MAPKAP1: variants seen among roughly 807,000 people sequenced by gnomAD.
The protein encoded by MAPKAP1 is target of rapamycin complex 2 subunit MAPKAP1.
In MAPKAP1, 20 loss-of-function variants were observed where a neutral mutation model predicts 65.7. That is an observed-to-expected ratio of 0.30 (90% CI 0.21 to 0.44). MAPKAP1 has a LOEUF of 0.44. Among genes scored for constraint, MAPKAP1 ranks in the 20% least tolerant of loss-of-function variants. The pLI, the probability that MAPKAP1 is intolerant of heterozygous loss-of-function variation, is 1.00. For missense variants in MAPKAP1, 423 were observed against 648.0 expected (o/e 0.65, Z 3.77); for synonymous variants, 222 against 244.3 (o/e 0.91, Z 0.85).
In MAPKAP1 at chr9:125,540,742, C is replaced by T. The variant is rs575140770; in HGVS notation, c.958+2317G>A. On this transcript the variant is annotated intron_variant, in intron 7 of 11. Transcript: ENST00000265960. ...ACCTGGCATCTCTTTCCACCAAGTT[C>T]ATGACTAAGTTCATGCGTCATAATG... is the stretch of plus-strand genomic sequence containing the variant. Among the ~76,000 whole-genome samples, 14 of 152,330 alleles carry T rather than the reference C, an allele frequency of 9.2e-5. No homozygotes were observed. In the South Asian group the frequency reaches 1.0e-3, roughly 11 times the overall value.
chr9:125,483,378 G>C (rs1854386863), intron 9 of MAPKAP1, among the ~76,000 whole-genome samples: 1 of 152,204 alleles, frequency 6.6e-6, no homozygotes, highest in Non-Finnish European at 1.5e-5. Flanking sequence ...AGTCAAGTTG[G>C]AAAGGAACAT....
In MAPKAP1 at chr9:125,468,020, C is replaced by T. The variant is rs1487020458; in HGVS notation, c.1297G>A (p.Asp433Asn). 13 of 1,614,176 alleles carry T rather than the reference C, an allele frequency of 8.1e-6. No individual in the cohort carries two copies. Among genetic ancestry groups the T allele is most frequent in the South Asian group, 1.1e-5 (1 of 91,072 alleles). Reference sequence around the variant, plus strand: ...TCACAGGCACAGAGCAGGTCGGAATCGATTGAGATGGGTTTCTGCTTAATC... The same window carrying T: ...TCACAGGCACAGAGCAGGTCGGAATTGATTGAGATGGGTTTCTGCTTAATC... ...FWIKQKPISIDSDLLCACDLA... is the reference protein window; with the variant it reads ...FWIKQKPISINSDLLCACDLA... Residue 433 changes from aspartate to asparagine, a missense_variant, in exon 10 of 12, where the codon GAT becomes AAT. Asp to Asn is a conservative substitution (Grantham distance 23, BLOSUM62 1). Around this residue, in one of 6 missense-constraint regions of MAPKAP1, gnomAD observed 185 missense variants for 268.1 expected, o/e 0.69. Transcript: ENST00000265960.
intron 3 of MAPKAP1, among the ~76,000 whole-genome samples, chr9:125,669,491 A>C (rs1478023764): frequency 6.6e-6 from 1 of 152,210 alleles, no homozygotes; most frequent in African/African-American, 2.4e-5. Context: ...AAAAAAAATA[A>C]TAATAATAAA....
chr9:125,675,655 C>T (rs1451163850), intron 1 of MAPKAP1, among the ~76,000 whole-genome samples: 1 of 152,200 alleles, frequency 6.6e-6, no homozygotes, highest in East Asian at 1.9e-4. Context: ...CCTCCAATTA[C>T]ATGTACTTAA....
intron 1 of MAPKAP1, among the ~76,000 whole-genome samples, chr9:125,686,546 T>C (rs1834984407): frequency 6.6e-6 from 1 of 152,152 alleles, no homozygotes; most frequent in Non-Finnish European, 1.5e-5. Context: ...CAGTCACTTG[T>C]GTGGAGGAGG....
intron 5 of MAPKAP1, among the ~76,000 whole-genome samples, chr9:125,565,008 T>C (rs942667866): frequency 5.9e-5 from 9 of 152,106 alleles, no homozygotes; most frequent in African/African-American, 2.2e-4. Context: ...TCCATGAGAA[T>C]TGGAAGTTTG....
rs573232493 is a variant in MAPKAP1 at position 125,615,208 on chromosome 9, A to G, written c.499-29481T>C. The stretch of plus-strand genomic sequence containing the variant: ...TGAATCAATCTAACAACAATGACAA[A>G]CTATATATATATATGACTTCCATGG... On this transcript the variant is annotated intron_variant, in intron 4 of 11. Coordinates refer to ENST00000265960, the MANE Select transcript of MAPKAP1 (RefSeq NM_001006617.3). 1.8e-4 allele frequency among the ~76,000 whole-genome samples: 28 copies of G among 152,230 alleles called. No individual in the cohort carries two copies. The South Asian group carries it at 5.6e-3, about 30-fold the overall frequency.
rs764455047 is a variant in MAPKAP1, at chr9:125,439,060, C to A, written c.1444-48G>T. ...CGGTCACCTTGCCAGCCGCTCCCTA[C>A]CCACCCAGGGCATCGGAGGGGGTGG... On this transcript the variant is annotated intron_variant, in intron 11 of 11. Transcript: ENST00000265960. This position sits in a 1 kb window ranked among gnomAD's most constrained non-coding sequence, Gnocchi z 4.0. 1.4e-5 allele frequency: 22 copies of A among 1,604,146 alleles called. No individual in the cohort carries two copies. The African/African-American group carries it at 2.0e-4, about 15-fold the overall frequency.
At chr9:125,697,557 A>G in intron 1 of MAPKAP1, among the ~76,000 whole-genome samples, 1 of 152,168 alleles carries the variant, frequency 6.6e-6, no homozygotes, top group East Asian at 1.9e-4. Flanking sequence ...ACTGTATATT[A>G]TTTCCATTCT....
At chr9:125,622,304 G>C (rs1387146750) in intron 4 of MAPKAP1, among the ~76,000 whole-genome samples, 1 of 152,136 alleles carries the variant, frequency 6.6e-6, no homozygotes, top group African/African-American at 2.4e-5. Context: ...ATAAAAAAAG[G>C]ATTATGAATG....
intron 1 of MAPKAP1, among the ~76,000 whole-genome samples, chr9:125,697,092 C>G (rs1409247289): frequency 6.6e-6 from 1 of 152,184 alleles, no homozygotes. Flanking sequence ...ACGAATACAA[C>G]TCTTCTTCCA....
At position 125,658,286 on chromosome 9, in the gene MAPKAP1, A is replaced by C. The variant is rs180698571; in HGVS notation, c.350-487T>G. Reference sequence around the variant, plus strand: ...AACACTCTCCAGTTGCACCTTGTACAAACTCTTGATGCCAAAGATGAAGAG... The same window carrying C: ...AACACTCTCCAGTTGCACCTTGTACCAACTCTTGATGCCAAAGATGAAGAG... On this transcript the variant is annotated intron_variant, in intron 3 of 11. Coordinates refer to ENST00000265960, the MANE Select transcript of MAPKAP1 (RefSeq NM_001006617.3). Among the ~76,000 whole-genome samples, 18 of 152,330 alleles carry C rather than the reference A, an allele frequency of 1.2e-4. No individual in the cohort carries two copies. The East Asian group carries it at 3.1e-3, about 26-fold the overall frequency.
chr9:125,700,174 G>A (rs1202441288), intron 1 of MAPKAP1, among the ~76,000 whole-genome samples: 1 of 152,284 alleles, frequency 6.6e-6, no homozygotes, highest in Middle Eastern at 3.4e-3. Context: ...TTCTTCGTTA[G>A]TCTCCTTTAT....
chr9:125,478,105 T>G (rs1024500076), intron 9 of MAPKAP1: 1 of 152,128 alleles, frequency 6.6e-6, no homozygotes, highest in African/African-American at 2.4e-5. Context: ...AGGGGTTGCT[T>G]ATAGGACTGT....
chr9:125,462,505 C>T (rs751085135), intron 10 of MAPKAP1, among the ~76,000 whole-genome samples: 2 of 152,204 alleles, frequency 1.3e-5, no homozygotes, highest in African/African-American at 2.4e-5. Context: ...TGAACTGGGG[C>T]TAAGGTGGGA....
At chr9:125,657,536 T>G (rs1455552552) in intron 4 of MAPKAP1, 115 bp downstream of exon 4, 1 of 945,358 alleles carries the variant, frequency 1.1e-6, no homozygotes, top group African/African-American at 1.7e-5. Context: ...ATTCTATAAC[T>G]GTCAACTGAT....
chr9:125,640,952 G>A (rs1220625279), intron 4 of MAPKAP1, among the ~76,000 whole-genome samples: 1 of 152,204 alleles, frequency 6.6e-6, no homozygotes, highest in East Asian at 1.9e-4. Flanking sequence ...TTCTGAAATA[G>A]TATAAACTCC....
chr9:125,672,700 C>CA, intron 1 of MAPKAP1, 57 bp from the exon 2 acceptor site: 1 of 1,091,134 alleles, frequency 9.2e-7, no homozygotes, highest in Non-Finnish European at 1.3e-6. Flanking sequence ...ATGACTGAAT[C>CA]ATTTTTCAGA....
At chr9:125,664,662 T>C (rs1333985993) in intron 3 of MAPKAP1, among the ~76,000 whole-genome samples, 1 of 129,506 alleles carries the variant, frequency 7.7e-6, no homozygotes, top group Non-Finnish European at 1.5e-5. Context: ...GAGGCGGAGG[T>C]TGCAGTGAGC....
Sources: allele counts gnomAD v4.1 joint callset (sites outside exome capture counted in the v4.1 genomes callset), GRCh38; gene constraint gnomAD v4.1.1; regional missense constraint gnomAD v4.1.1; non-coding constraint Gnocchi (gnomAD v3.1); transcripts MANE v1.5; gene names NCBI Gene and HGNC (gene_info 2026-07-23, HGNC 2026-07-21).